CCDC18: variants seen among roughly 807,000 people sequenced by gnomAD.
CCDC18 encodes coiled-coil domain-containing protein 18.
Under a neutral mutation model 196.0 loss-of-function variants are expected in CCDC18, and 157 were observed. The ratio of observed to expected loss-of-function variants is 0.80; its 90% CI spans 0.70 to 0.91. The LOEUF (loss-of-function observed/expected upper bound fraction) is 0.91. Ranked by LOEUF, CCDC18 falls within the 40% of genes least tolerant of loss-of-function variation. The pLI is 0.00. For missense variants in CCDC18, 1,465 were observed against 1,611.6 expected (o/e 0.91, Z 1.56); for synonymous variants, 482 against 529.2 (o/e 0.91, Z 1.22).
intron 17 of CCDC18, among the ~76,000 whole-genome samples, chr1:93,231,330 GCCC>G (rs1360464458): frequency 1.4e-4 from 21 of 152,066 alleles, no homozygotes; most frequent in Non-Finnish European, 2.6e-4. Flanking sequence ...TTTACCTACA[GCCC>G]ATTCTCTAAT....
intron 6 of CCDC18, among the ~76,000 whole-genome samples, chr1:93,199,022 G>C (rs1217520825): frequency 6.6e-6 from 1 of 152,188 alleles, no homozygotes; most frequent in Non-Finnish European, 1.5e-5. Context: ...GACTGACATG[G>C]AGAAAGAAAT....
At position 93,197,193 on chromosome 1, in the gene CCDC18, T is replaced by C. The variant is rs114494785; in HGVS notation, c.698+3449T>C. 1.5e-3 allele frequency among the ~76,000 whole-genome samples: 224 copies of C among 151,992 alleles called. 1 individual carries two copies. Among genetic ancestry groups the C allele is most frequent in the African/African-American group, 5.0e-3 (208 of 41,448 alleles). On this transcript the variant is annotated intron_variant, in intron 6 of 28. Coordinates refer to ENST00000690025, the MANE Select transcript of CCDC18 (RefSeq NM_001378204.1). The stretch of plus-strand genomic sequence containing the variant: ...GGAAATAATAAAGATAAGGATGAAA[T>C]GGATGAATAGAAAACAGTGAAACAA...
At chr1:93,250,136 C>T (rs1275865309) in intron 23 of CCDC18, among the ~76,000 whole-genome samples, 3 of 151,632 alleles carry the variant, frequency 2.0e-5, no homozygotes, top group Non-Finnish European at 4.4e-5. Flanking sequence ...TGTGGCCTAA[C>T]ATATTTATGT....
chr1:93,232,800 G>A (rs988705272), intron 18 of CCDC18, among the ~76,000 whole-genome samples: 5 of 152,084 alleles, frequency 3.3e-5, no homozygotes, highest in African/African-American at 4.8e-5. Context: ...GCCAAACCTC[G>A]TCTCTACTAA....
chr1:93,193,180 T>A (rs1181450697), intron 5 of CCDC18, among the ~76,000 whole-genome samples: 1 of 152,180 alleles, frequency 6.6e-6, no homozygotes, highest in Non-Finnish European at 1.5e-5. Flanking sequence ...ATTTTGTTTC[T>A]GAGTCAAAGA....
At chr1:93,247,091 C>A in intron 23 of CCDC18, 137 bp downstream of exon 23, 2 of 495,418 alleles carry the variant, frequency 4.0e-6, no homozygotes, top group Non-Finnish European at 7.3e-6. Flanking sequence ...CAGAGTCGTT[C>A]TCTGTCACCC....
At chr1:93,249,925 T>C (rs1190688819) in intron 23 of CCDC18, among the ~76,000 whole-genome samples, 1 of 152,200 alleles carries the variant, frequency 6.6e-6, no homozygotes, top group Non-Finnish European at 1.5e-5. Context: ...TGTATATCCA[T>C]TTTTATTTGT....
chr1:93,194,419 G>A (rs1031838172), intron 6 of CCDC18, among the ~76,000 whole-genome samples: 7 of 149,510 alleles, frequency 4.7e-5, no homozygotes, highest in African/African-American at 7.5e-5. Context: ...AAGCAATTTT[G>A]CAATTTTGCA....
intron 14 of CCDC18, among the ~76,000 whole-genome samples, chr1:93,220,860 T>TA (rs1470197015): frequency 6.6e-6 from 1 of 152,170 alleles, no homozygotes; most frequent in Admixed American, 6.5e-5. Context: ...AGCTCCCACT[T>TA]ATAAGTGAGT....
chr1:93,260,416 A>T (rs1005410692), intron 26 of CCDC18, among the ~76,000 whole-genome samples: 1 of 152,162 alleles, frequency 6.6e-6, no homozygotes, highest in African/African-American at 2.4e-5. Flanking sequence ...CTGCATTTTA[A>T]TATTTAATAT....
At chr1:93,190,778 C>CTCCCAGT (rs1297679223) in intron 4 of CCDC18, 6 of 654,750 alleles carry the variant, frequency 9.2e-6, no homozygotes, top group Non-Finnish European at 1.7e-5. Context: ...CTCTTACCTC[C>CTCCCAGT]TCCCAGTTGA....
At chr1:93,180,893 G>A (rs369818718) in intron 1 of CCDC18, 41 bp downstream of exon 1, 1 of 1,363,584 alleles carries the variant, frequency 7.3e-7, no homozygotes, top group Non-Finnish European at 9.8e-7. Flanking sequence ...GTGAGCGACT[G>A]CGCCTTGGCG....
chr1:93,184,201 A>G, intron 3 of CCDC18, 55 bp downstream of exon 3: 2 of 1,030,956 alleles, frequency 1.9e-6, no homozygotes, highest in Non-Finnish European at 2.6e-6. Flanking sequence ...AGGCCTGTCT[A>G]CTTAAAAAAA....
rs1298514092 is a variant in CCDC18 at position 93,256,345 on chromosome 1, A to C, written c.3353A>C (p.Glu1118Ala). 6.2e-7 allele frequency: 1 copy of C among 1,613,874 alleles called. No individual in the cohort carries two copies. The highest frequency in any genetic ancestry group is 8.5e-7 in the Non-Finnish European group (1 of 1,179,886). The change falls in exon 25 of 29, where the codon GAG becomes GCG. Residue 1118 changes from glutamate to alanine, a missense_variant. By Grantham distance (107) the Glu-to-Ala change is moderately radical. Transcript: ENST00000690025. ...CCTTATGCTTTTCAGGTTATGAAAG[A>C]GCAAGAACAGTACATTGCCACTCAG... ...RMKEMESVMK[E>A]QEQYIATQYK...
At chr1:93,234,973 G>GTGTGTGTGTGTGTGT (rs1557668666) in intron 18 of CCDC18, among the ~76,000 whole-genome samples, 48 of 146,256 alleles carry the variant, frequency 3.3e-4, no homozygotes, top group East Asian at 1.2e-3. Flanking sequence ...GTGTGTGTGT[G>GTGTGTGTGTGTGTGT]GCTTTTCTTT....
chr1:93,197,586 A>G (rs1259654675), intron 6 of CCDC18, among the ~76,000 whole-genome samples: 1 of 151,874 alleles, frequency 6.6e-6, no homozygotes, highest in African/African-American at 2.4e-5. Flanking sequence ...GTAATTAAAA[A>G]TCTGCCCACA....
intron 28 of CCDC18, among the ~76,000 whole-genome samples, chr1:93,272,242 C>G (rs1205971885): frequency 6.6e-6 from 1 of 152,172 alleles, no homozygotes; most frequent in Non-Finnish European, 1.5e-5. Flanking sequence ...AATGTAAGCT[C>G]TGTGTGGAGA....
intron 26 of CCDC18, 61 bp from the exon 27 acceptor site, chr1:93,264,640 T>A: frequency 1.0e-6 from 1 of 991,046 alleles, no homozygotes; most frequent in South Asian, 1.5e-5. Context: ...TAGACTGTTG[T>A]CGAATCCAGT....
At position 93,239,325 on chromosome 1, in the gene CCDC18, G is replaced by C; in HGVS notation, c.2619G>C (p.Glu873Asp). ...TTTTAATTAGGCAAGTAAAGATTGA[G>C]ATGGATCAGTACAAAGAAGAGCTGT... Reference protein sequence around the residue: ...LTGTARQVKIEMDQYKEELSK... With the variant: ...LTGTARQVKIDMDQYKEELSK... Residue 873 changes from glutamate to aspartate, a missense_variant, in exon 20 of 29, where the codon GAG (glutamate) becomes GAC (aspartate). Glu to Asp is a conservative substitution (Grantham distance 45). Coordinates refer to ENST00000690025, the MANE Select transcript of CCDC18 (RefSeq NM_001378204.1). 6.3e-7 allele frequency: 1 copy of C among 1,593,164 alleles called. No homozygotes were observed. The highest frequency in any genetic ancestry group is 8.5e-7 in the Non-Finnish European group (1 of 1,170,830).
Sources: allele counts gnomAD v4.1 joint callset (sites outside exome capture counted in the v4.1 genomes callset), GRCh38; gene constraint gnomAD v4.1.1; transcripts MANE v1.5; gene names NCBI Gene and HGNC (gene_info 2026-07-23, HGNC 2026-07-21).